Variants in PLA2G10 observed in about 807,000 individuals in gnomAD.
PLA2G10 encodes group 10 secretory phospholipase A2.
In PLA2G10, 9 loss-of-function variants were observed where a neutral mutation model predicts 7.9. That is an observed-to-expected ratio of 1.14 (90% CI 0.68 to 1.98). PLA2G10 has a LOEUF of 1.98. PLA2G10 is among the 30% of genes most tolerant of loss of function. The pLI, the probability that PLA2G10 is intolerant of heterozygous loss-of-function variation, is 0.00. For missense variants in PLA2G10, 53 were observed against 65.4 expected, an observed-to-expected ratio of 0.81 and a Z score of 0.66; for synonymous variants, 19 against 27.5, an observed-to-expected ratio of 0.69 and a Z score of 0.97.
intron 3 of PLA2G10, among the ~76,000 whole-genome samples, chr16:14,687,047 G>A (rs1398004072): frequency 6.6e-6 from 1 of 151,724 alleles, no homozygotes; most frequent in African/African-American, 2.4e-5. Context: ...GGTGGAGGTT[G>A]CAGTAAGCCA....
intron 3 of PLA2G10, among the ~76,000 whole-genome samples, chr16:14,686,479 GA>G: frequency 6.6e-6 from 1 of 151,848 alleles, no homozygotes; most frequent in Non-Finnish European, 1.5e-5. Flanking sequence ...ACTATAAATG[GA>G]AAATGCCATA....
intron 3 of PLA2G10, among the ~76,000 whole-genome samples, chr16:14,674,280 G>GA (rs1960667527): frequency 6.6e-6 from 1 of 152,144 alleles, no homozygotes; most frequent in African/African-American, 2.4e-5. Flanking sequence ...TGGATTGGAA[G>GA]AATCAATGTA....
chr16:14,678,463 TAG>T (rs1334890195), intron 3 of PLA2G10, among the ~76,000 whole-genome samples: 1 of 151,746 alleles, frequency 6.6e-6, no homozygotes, highest in Non-Finnish European at 1.5e-5. Context: ...GCAACCAGAG[TAG>T]TTTGGTTAAA....
intron 3 of PLA2G10, among the ~76,000 whole-genome samples, chr16:14,684,744 C>A (rs1961004207): frequency 6.6e-6 from 1 of 152,036 alleles, no homozygotes; most frequent in Non-Finnish European, 1.5e-5. Flanking sequence ...ATAGTTTGAG[C>A]CCAGGAGTTT....
chr16:14,679,731 G>T (rs1960835609), intron 3 of PLA2G10, among the ~76,000 whole-genome samples: 1 of 150,880 alleles, frequency 6.6e-6, no homozygotes. Flanking sequence ...CGTGCCTGTA[G>T]TCCCAGCTAC....
chr16:14,682,978 A>G (rs914956105), intron 3 of PLA2G10, among the ~76,000 whole-genome samples: 13 of 152,100 alleles, frequency 8.5e-5, no homozygotes, highest in African/African-American at 3.1e-4. Flanking sequence ...CTGAGGCAAG[A>G]TAATCACTTC....
At chr16:14,675,482 TAAACTA>T (rs747102687) in intron 3 of PLA2G10, among the ~76,000 whole-genome samples, 2 of 152,030 alleles carry the variant, frequency 1.3e-5, no homozygotes, top group Non-Finnish European at 2.9e-5. Context: ...AGGACTTAAT[TAAACTA>T]AAAAGCTTCT....
At position 14,680,400 on chromosome 16, in the gene PLA2G10, T is replaced by G. The variant is rs966388620; in HGVS notation, c.356-7651A>C. On this transcript the variant is annotated intron_variant, in intron 3 of 3. Transcript: ENST00000438167. ...CAGGCGTGAGACACTGTGCCCGGCC[T>G]TTTTTGTTGAGGCAGGGTCTCACTC... Among the ~76,000 whole-genome samples the G allele has an allele frequency of 2.0e-5, 3 of 151,890 alleles. No individual in the cohort carries two copies. The South Asian group carries it at 6.2e-4, about 32-fold the overall frequency.
chr16:14,682,982 T>A (rs1050167698), intron 3 of PLA2G10, among the ~76,000 whole-genome samples: 3 of 151,988 alleles, frequency 2.0e-5, no homozygotes, highest in Non-Finnish European at 4.4e-5. Context: ...GGCAAGATAA[T>A]CACTTCAACC....
At chr16:14,673,214 G>T (rs1329570630) in intron 3 of PLA2G10, among the ~76,000 whole-genome samples, 1 of 151,292 alleles carries the variant, frequency 6.6e-6, no homozygotes, top group Non-Finnish European at 1.5e-5. Context: ...GTGGAGACAG[G>T]GTTTCGTCGT....
chr16:14,678,707 T>A (rs756539371), intron 3 of PLA2G10: 1 of 394,258 alleles, frequency 2.5e-6, no homozygotes, highest in South Asian at 1.9e-5. Flanking sequence ...AAGGCAGAGG[T>A]TGAAGTGAGC....
intron 3 of PLA2G10, among the ~76,000 whole-genome samples, chr16:14,683,391 C>T (rs899127236): frequency 6.6e-6 from 1 of 151,850 alleles, no homozygotes; most frequent in African/African-American, 2.4e-5. Context: ...TGCTGCCACA[C>T]CCGCCTAATT....
chr16:14,701,601 G>A, the PLA2G10 span, among the ~76,000 whole-genome samples: 2 of 7,732 alleles, frequency 2.6e-4, no homozygotes, highest in Admixed American at 3.6e-3. Flanking sequence ...CAGATGGAGA[G>A]GCTGGGTGTG....
At chr16:14,687,303 C>T (rs1961109894) in intron 3 of PLA2G10, among the ~76,000 whole-genome samples, 1 of 150,088 alleles carries the variant, frequency 6.7e-6, no homozygotes, top group South Asian at 2.1e-4. Flanking sequence ...TTTTATATAT[C>T]TTTAGAAGTG....
chr16:14,677,651 C>T (rs1386187608), intron 3 of PLA2G10, among the ~76,000 whole-genome samples: 3 of 152,126 alleles, frequency 2.0e-5, no homozygotes, highest in Non-Finnish European at 1.5e-5. Flanking sequence ...CCATTGCGCC[C>T]GGAGTTCTAA....
intron 3 of PLA2G10, among the ~76,000 whole-genome samples, chr16:14,676,934 G>C (rs1357130709): frequency 6.6e-6 from 1 of 152,026 alleles, no homozygotes; most frequent in Non-Finnish European, 1.5e-5. Flanking sequence ...GGTACACAAA[G>C]GCATACAGAG....
At chr16:14,675,538 C>A (rs746159461) in intron 3 of PLA2G10, among the ~76,000 whole-genome samples, 12 of 152,016 alleles carry the variant, frequency 7.9e-5, no homozygotes, top group Admixed American at 2.0e-4. Context: ...AACAGACAAC[C>A]CACAGAATGG....
chr16:14,680,375 C>T (rs1385836479), intron 3 of PLA2G10, among the ~76,000 whole-genome samples: 3 of 152,074 alleles, frequency 2.0e-5, no homozygotes, highest in African/African-American at 7.2e-5. Flanking sequence ...GCTGGGATTA[C>T]AGGCGTGAGA....
At chr16:14,677,453 G>A (rs1403378905) in intron 3 of PLA2G10, among the ~76,000 whole-genome samples, 2 of 152,002 alleles carry the variant, frequency 1.3e-5, no homozygotes, top group East Asian at 1.9e-4. Context: ...TGCAACCTCC[G>A]CCTCCTGGGT....
Sources: gnomAD v4.1 joint callset for allele counts (sites outside exome capture counted in the v4.1 genomes callset) on GRCh38, gnomAD v4.1.1 for gene constraint, MANE v1.5 for transcripts, NCBI Gene and HGNC (gene_info 2026-07-23, HGNC 2026-07-21) for gene names.